The following OTOGL variants were observed in gnomAD, a reference collection of about 807,000 sequenced individuals.
OTOGL encodes the protein otogelin like, also known as otogelin-like protein.
A neutral mutation model predicts 318.5 loss-of-function variants in OTOGL; 285 were observed. That is an observed-to-expected ratio of 0.89 (90% CI 0.81 to 0.99). OTOGL has a LOEUF of 0.99. Ranked by LOEUF, OTOGL falls within the 50% of genes least tolerant of loss-of-function variation. The probability of loss-of-function intolerance (pLI) is 0.00; values close to 1 mark genes in which losing one functional copy is unlikely to be tolerated. For synonymous variants in OTOGL, 987 were observed against 936.5 expected (o/e 1.05, Z -0.99); for missense variants, 2,899 against 2,845.6 (o/e 1.02, Z -0.43).
intron 52 of OTOGL, among the ~76,000 whole-genome samples, chr12:80,365,854 G>A (rs1890495926): frequency 1.3e-5 from 2 of 152,068 alleles, no homozygotes; most frequent in South Asian, 4.1e-4. Flanking sequence ...AAAACTAAAT[G>A]CATCCAGGAA....
At chr12:80,334,259 G>A (rs528106903) in intron 38 of OTOGL, among the ~76,000 whole-genome samples, 37 of 152,230 alleles carry the variant, frequency 2.4e-4, no homozygotes, top group African/African-American at 8.7e-4. Context: ...TGAGTAAAAG[G>A]GAAGCAACAA....
In OTOGL at chr12:80,313,526, C is replaced by A. The variant is rs755875951; in HGVS notation, c.3501C>A (p.Cys1167Ter). Residue 1167 changes from cysteine to a stop codon, truncating the protein, a stop_gained, in exon 31 of 59, where the codon TGC (cysteine) becomes TGA (stop). Transcript: ENST00000547103. LOFTEE classifies it high-confidence loss of function. ...AKNCHEDTCN[C>*]NLGGDCECLC... ...ATTGTCATGAAGATACATGTAACTG[C>A]AATCTTGGTGGCGACTGTGAGTGTT... 2.5e-6 allele frequency: 4 copies of A among 1,612,348 alleles called. No homozygotes were observed. The Admixed American group carries it at 5.0e-5, about 20-fold the overall frequency.
At chr12:80,216,699 T>C (rs866293550) in intron 4 of OTOGL, among the ~76,000 whole-genome samples, 68 of 152,110 alleles carry the variant, frequency 4.5e-4, no homozygotes, top group Admixed American at 4.6e-4. Context: ...GATGAGTAAA[T>C]AGAGGCACTA....
At chr12:80,110,603 T>G (rs929276595) in intron 1 of OTOGL, among the ~76,000 whole-genome samples, 1 of 152,226 alleles carries the variant, frequency 6.6e-6, no homozygotes, top group African/African-American at 2.4e-5. Flanking sequence ...TATGGCTGCA[T>G]AGTATTCCAT....
intron 44 of OTOGL, among the ~76,000 whole-genome samples, chr12:80,345,261 T>C (rs1205482625): frequency 6.9e-6 from 1 of 144,128 alleles, no homozygotes; most frequent in Admixed American, 7.0e-5. Flanking sequence ...AGTCTTGCTC[T>C]GTCATCCAGG....
intron 25 of OTOGL, 137 bp from the exon 26 acceptor site, chr12:80,278,891 A>G (rs1313058725): frequency 6.1e-6 from 6 of 978,484 alleles, no homozygotes; most frequent in African/African-American, 1.7e-5. Flanking sequence ...AGGTGGTATC[A>G]GAATGAACTG....
intron 18 of OTOGL, among the ~76,000 whole-genome samples, chr12:80,259,676 T>G: frequency 6.6e-6 from 1 of 152,118 alleles, no homozygotes; most frequent in South Asian, 2.1e-4. Flanking sequence ...GATGATGGTT[T>G]CCAGCTTCAT....
chr12:80,262,895 T>G (rs1379904086), intron 19 of OTOGL, among the ~76,000 whole-genome samples: 2 of 152,148 alleles, frequency 1.3e-5, no homozygotes, highest in Non-Finnish European at 2.9e-5. Context: ...TAGTTCACTA[T>G]TTGGATGTAG....
intron 44 of OTOGL, among the ~76,000 whole-genome samples, chr12:80,348,075 T>C (rs1889313649): frequency 1.3e-5 from 2 of 152,246 alleles, no homozygotes; most frequent in African/African-American, 2.4e-5. Context: ...ATAGGTTGCC[T>C]GTTCACTCTG....
At chr12:80,101,685 TA>T (rs71978562) in intron 1 of OTOGL, among the ~76,000 whole-genome samples, 4 of 152,034 alleles carry the variant, frequency 2.6e-5, no homozygotes, top group African/African-American at 7.2e-5. Context: ...CAGTTTTTTT[TA>T]AAAAAATCCT....
At chr12:80,124,759 T>C (rs1870706970) in intron 1 of OTOGL, among the ~76,000 whole-genome samples, 1 of 151,942 alleles carries the variant, frequency 6.6e-6, no homozygotes, top group Non-Finnish European at 1.5e-5. Flanking sequence ...TTCACATCCC[T>C]TGTAAGTTGG....
intron 1 of OTOGL, among the ~76,000 whole-genome samples, chr12:80,201,230 A>G (rs920598679): frequency 6.6e-6 from 1 of 152,140 alleles, no homozygotes; most frequent in Non-Finnish European, 1.5e-5. Context: ...TTGCATTTTT[A>G]TAAAGGAATA....
intron 1 of OTOGL, among the ~76,000 whole-genome samples, chr12:80,119,837 C>T (rs543034440): frequency 8.5e-5 from 13 of 152,286 alleles, no homozygotes; most frequent in Non-Finnish European, 1.8e-4. Flanking sequence ...ATTATGTTCA[C>T]TCTACTCATA....
chr12:80,324,144 T>C (rs1027001758), intron 35 of OTOGL, among the ~76,000 whole-genome samples: 2 of 152,176 alleles, frequency 1.3e-5, no homozygotes, highest in African/African-American at 4.8e-5. Flanking sequence ...TAATGCAACA[T>C]ATTGTTATGG....
rs933382786 is a variant in OTOGL at position 80,256,533 on chromosome 12, A to G, written c.1711+73A>G. On this transcript the variant is annotated intron_variant, in intron 17 of 58. Transcript: ENST00000547103. ...ACAAACAAACAAACAACACACGCAAACAAAATGGGATCTTTTCCTAATGTT... is the reference window on the plus strand; with the variant it reads ...ACAAACAAACAAACAACACACGCAAGCAAAATGGGATCTTTTCCTAATGTT... The G allele has an allele frequency of 4.8e-6, 7 of 1,458,252 alleles. No homozygotes were observed. In the African/African-American group the frequency reaches 1.0e-4, roughly 21 times the overall value. The allele number at this position is 1,458,252 out of a possible 1,614,324, so 90.3% of individuals were successfully genotyped here. A position where few individuals can be genotyped will look rare whatever the true frequency, so the allele number is the denominator to read the frequency against.
chr12:80,248,898 A>C (rs1249881368), intron 11 of OTOGL, among the ~76,000 whole-genome samples: 1 of 143,308 alleles, frequency 7.0e-6, no homozygotes, highest in Non-Finnish European at 1.5e-5. Flanking sequence ...TTCCCTTCTC[A>C]CTTCATTTCA....
intron 1 of OTOGL, among the ~76,000 whole-genome samples, chr12:80,149,611 T>C (rs868559827): frequency 2.4e-4 from 36 of 152,110 alleles, no homozygotes; most frequent in African/African-American, 4.6e-4. Context: ...TCGAGCTTCC[T>C]GGCTGCTTTG....
Position 80,271,845 on chromosome 12 carries a change from A to G in OTOGL, c.2681+35A>G, listed in dbSNP as rs768680633. ...TTCTTCATAATACAGAACATTCAGG[A>G]TTTGCCTGAAAGCACAATATCTCCT... On this transcript the variant is annotated intron_variant, in intron 24 of 58. Transcript: ENST00000547103. 1.1e-5 allele frequency: 17 copies of G among 1,574,638 alleles called. No homozygotes were observed. In the Admixed American group the frequency reaches 1.3e-4, roughly 12 times the overall value.
chr12:80,302,849 T>A (rs1397424876), intron 28 of OTOGL, 66 bp downstream of exon 28: 4 of 1,247,110 alleles, frequency 3.2e-6, no homozygotes, highest in Non-Finnish European at 4.1e-6. Flanking sequence ...TGATGTTTGA[T>A]GAAAATAAAA....
Sources: allele counts gnomAD v4.1 joint callset (sites outside exome capture counted in the v4.1 genomes callset), GRCh38; gene constraint gnomAD v4.1.1; transcripts MANE v1.5; gene names NCBI Gene and HGNC (gene_info 2026-07-23, HGNC 2026-07-21).